The following ADGB variants were observed in gnomAD, a reference collection of about 807,000 sequenced individuals.
The protein encoded by ADGB is calpain-7-like protein.
In ADGB, 172 loss-of-function variants were observed where a neutral mutation model predicts 210.5. The observed-to-expected ratio is 0.82, with a 90% CI of 0.72 to 0.93. ADGB has a LOEUF of 0.93. Ranked by LOEUF, ADGB falls within the 40% of genes least tolerant of loss-of-function variation. ADGB has a pLI of 0.00. For missense variants in ADGB, 2,025 were observed against 1,964.8 expected (o/e 1.03, Z -0.58); for synonymous variants, 658 against 662.7 (o/e 0.99, Z 0.11).
intron 9 of ADGB, among the ~76,000 whole-genome samples, chr6:146,679,130 C>T (rs1776124707): frequency 6.6e-6 from 1 of 152,132 alleles, no homozygotes; most frequent in African/African-American, 2.4e-5. Flanking sequence ...CCAATGGCCA[C>T]ACCTGACTTT....
At chr6:146,763,089 T>C (rs779218147) in intron 27 of ADGB, among the ~76,000 whole-genome samples, 3 of 152,178 alleles carry the variant, frequency 2.0e-5, no homozygotes, top group Non-Finnish European at 4.4e-5. Flanking sequence ...CTAGCAGCAC[T>C]GCTGTTCACT....
At chr6:146,797,301 G>A (rs1778058801) in intron 33 of ADGB, among the ~76,000 whole-genome samples, 2 of 152,066 alleles carry the variant, frequency 1.3e-5, no homozygotes, top group Admixed American at 1.3e-4. Flanking sequence ...ATTCCTTAAA[G>A]AACTAAAAGT....
chr6:146,746,184 A>G, intron 26 of ADGB, 75 bp downstream of exon 26: 2 of 1,096,580 alleles, frequency 1.8e-6, no homozygotes, highest in Non-Finnish European at 2.5e-6. Flanking sequence ...TAAATTCTGC[A>G]GTAAAATCCT....
Position 146,684,975 on chromosome 6 carries a change from A to G in ADGB, c.1217-759A>G, listed in dbSNP as rs573472503. 7.2e-5 allele frequency among the ~76,000 whole-genome samples: 11 copies of G among 152,204 alleles called. No homozygotes were observed. The East Asian group carries it at 1.5e-3, about 21-fold the overall frequency. On this transcript the variant is annotated intron_variant, in intron 9 of 35. Transcript: ENST00000397944. ...CATATACTGGGCTGACAACTAATTT[A>G]TGTTCTGTGGTCTTAAAGATATTAT...
chr6:146,695,683 C>T (rs963408250), intron 12 of ADGB, among the ~76,000 whole-genome samples: 1 of 151,730 alleles, frequency 6.6e-6, no homozygotes, highest in Non-Finnish European at 1.5e-5. Flanking sequence ...GTCAAATGTT[C>T]TAAGTGAACA....
intron 8 of ADGB, among the ~76,000 whole-genome samples, chr6:146,674,239 A>G (rs930994267): frequency 2.0e-5 from 3 of 152,164 alleles, no homozygotes; most frequent in Admixed American, 6.6e-5. Context: ...ATAATGTATA[A>G]ACAACCCTGT....
At chr6:146,604,458 A>G (rs1222346622) in intron 1 of ADGB, among the ~76,000 whole-genome samples, 4 of 151,926 alleles carry the variant, frequency 2.6e-5, no homozygotes, top group Admixed American at 2.0e-4. Context: ...GTTTCCCCCA[A>G]CTTGAGATGT....
chr6:146,620,154 G>T (rs939569045), intron 1 of ADGB, among the ~76,000 whole-genome samples: 5 of 152,104 alleles, frequency 3.3e-5, no homozygotes, highest in Admixed American at 6.6e-5. Flanking sequence ...GTTATATTGG[G>T]ACTCCATTGA....
At chr6:146,691,411 AATATATATATATATATATATAT>A (rs71031004) in intron 11 of ADGB, 121 bp downstream of exon 11, 1 of 98,244 alleles carries the variant, frequency 1.0e-5, no homozygotes, top group African/African-American at 1.2e-4. Context: ...GCCTATGTTT[AATATATATATATATATATATAT>A]ATATATATAA....
rs73571870 is a variant in ADGB, at chr6:146,672,437, G to C, written c.1057G>C (p.Ala353Pro). The C allele has an allele frequency of 5.6e-3, 8,591 of 1,546,274 alleles. 314 individuals are homozygous for C. The African/African-American group carries it at 0.095, about 17-fold the overall frequency. ...TGAAAGTTCTTTGACAACACTAAAG[G>C]CTCCTGAGAAAAGCGACAAAGTTCC... is the stretch of plus-strand genomic sequence containing the variant. Reference protein sequence around the residue: ...KPESSLTTLKAPEKSDKVPKE... With the variant: ...KPESSLTTLKPPEKSDKVPKE... The change falls in exon 8 of 36, where the codon GCT (alanine) becomes CCT (proline). Residue 353 changes from alanine to proline, a missense_variant. Physicochemically the swap from Ala to Pro is conservative, Grantham distance 27 (BLOSUM62 -1). Transcript: ENST00000397944.
intron 8 of ADGB, 98 bp downstream of exon 8, chr6:146,672,565 C>A: frequency 7.3e-7 from 1 of 1,372,168 alleles, no homozygotes; most frequent in East Asian, 2.5e-5. Flanking sequence ...TGGTTTTGAT[C>A]CAGACCCCAA....
chr6:146,809,362 C>T (rs544158191), intron 35 of ADGB, among the ~76,000 whole-genome samples: 5 of 152,250 alleles, frequency 3.3e-5, no homozygotes, highest in East Asian at 1.9e-4. Context: ...GCAGCCACCA[C>T]GCCCGGCTAA....
chr6:146,755,481 C>T (rs1057215296), intron 27 of ADGB, among the ~76,000 whole-genome samples: 8 of 152,160 alleles, frequency 5.3e-5, no homozygotes, highest in Admixed American at 2.0e-4. Context: ...TTTTCTCCCC[C>T]TTCACTCTGC....
At chr6:146,685,278 C>G (rs1291158799) in intron 9 of ADGB, among the ~76,000 whole-genome samples, 1 of 151,504 alleles carries the variant, frequency 6.6e-6, no homozygotes, top group Non-Finnish European at 1.5e-5. Flanking sequence ...TGGAAAAATT[C>G]ATTTTACTTA....
intron 16 of ADGB, among the ~76,000 whole-genome samples, chr6:146,720,995 T>C (rs1237934392): frequency 6.6e-6 from 1 of 152,124 alleles, no homozygotes; most frequent in African/African-American, 2.4e-5. Flanking sequence ...AAATAAGACA[T>C]CCAATTGGCC....
intron 11 of ADGB, among the ~76,000 whole-genome samples, 187 bp downstream of exon 11, chr6:146,691,477 A>ATATATAAAAAT (rs1776322815): frequency 1.1e-4 from 2 of 18,568 alleles, no homozygotes; most frequent in Non-Finnish European, 1.6e-4. Context: ...TATATATATA[A>ATATATAAAAAT]ATATATATAT....
intron 3 of ADGB, among the ~76,000 whole-genome samples, chr6:146,648,622 C>T (rs573511885): frequency 6.6e-6 from 1 of 152,136 alleles, no homozygotes; most frequent in East Asian, 1.9e-4. Flanking sequence ...ATGAGAACAG[C>T]AAGGAAGAAA....
At chr6:146,736,453 G>T in intron 22 of ADGB, 45 bp from the exon 23 acceptor site, 1 of 1,204,004 alleles carries the variant, frequency 8.3e-7, no homozygotes, top group Non-Finnish European at 1.2e-6. Flanking sequence ...TGATCTTTCA[G>T]GCATCTTAAA....
intron 29 of ADGB, among the ~76,000 whole-genome samples, chr6:146,773,863 A>G (rs1777687978): frequency 6.6e-6 from 1 of 152,186 alleles, no homozygotes; most frequent in African/African-American, 2.4e-5. Context: ...AGGGCTTTAC[A>G]TATATTGACC....
Sources: gnomAD v4.1 joint callset for allele counts (sites outside exome capture counted in the v4.1 genomes callset) on GRCh38, gnomAD v4.1.1 for gene constraint, MANE v1.5 for transcripts, NCBI Gene and HGNC (gene_info 2026-07-23, HGNC 2026-07-21) for gene names.